Variants in SCAPER observed in about 807,000 individuals in gnomAD.
SCAPER encodes S phase cyclin A-associated protein in the endoplasmic reticulum.
SCAPER carries 98 observed loss-of-function variants against 182.2 expected under a neutral mutation model. The observed-to-expected ratio is 0.54, with a 90% CI of 0.46 to 0.64. The LOEUF is 0.64. SCAPER is among the 30% of genes least tolerant of loss of function. The pLI is 0.00. For missense variants in SCAPER, 1,432 were observed against 1,690.0 expected (o/e 0.85, Z 2.68); for synonymous variants, 605 against 564.6 (o/e 1.07, Z -1.01).
intron 26 of SCAPER, among the ~76,000 whole-genome samples, chr15:76,409,637 T>C (rs777803953): frequency 6.6e-6 from 1 of 152,154 alleles, no homozygotes; most frequent in East Asian, 1.9e-4. Context: ...AAATGAGTTA[T>C]TGTTTCTTTG....
At chr15:76,895,603 A>G (rs2152614454) in intron 1 of SCAPER, among the ~76,000 whole-genome samples, 2 of 152,310 alleles carry the variant, frequency 1.3e-5, no homozygotes, top group Middle Eastern at 3.4e-3. Flanking sequence ...ATGATCTTAT[A>G]TACAGAAAAT....
chr15:76,847,770 G>A (rs4886833), intron 4 of SCAPER, among the ~76,000 whole-genome samples: 146,415 of 152,106 alleles, frequency 0.96, 70,709 homozygotes, highest in East Asian at 1. Context: ...AAAATGAAAA[G>A]GCTAACCAGG....
At position 76,484,811 on chromosome 15, in the gene SCAPER, G is replaced by A. The variant is rs998954642; in HGVS notation, c.2955-13476C>T. ...AAACAGAACTAAAGACAAAAACTAC[G>A]ATTACCTCAATAGATGGAGAAAAGG... is the stretch of plus-strand genomic sequence containing the variant. On this transcript the variant is annotated intron_variant, in intron 24 of 31. Transcript: ENST00000563290. 2.6e-5 allele frequency among the ~76,000 whole-genome samples: 4 copies of A among 152,146 alleles called. No individual in the cohort carries two copies. The South Asian group carries it at 6.2e-4, about 24-fold the overall frequency.
At chr15:76,474,905 T>C (rs1032717295) in intron 24 of SCAPER, among the ~76,000 whole-genome samples, 1 of 152,140 alleles carries the variant, frequency 6.6e-6, no homozygotes, top group African/African-American at 2.4e-5. Flanking sequence ...ACTCATCTGT[T>C]TCCAGCCTCA....
chr15:76,718,206 T>G (rs1007811463), intron 17 of SCAPER, among the ~76,000 whole-genome samples: 6 of 151,936 alleles, frequency 3.9e-5, no homozygotes, highest in South Asian at 2.1e-4. Flanking sequence ...AAAAGGAAAT[T>G]AAAAAATATC....
At chr15:76,582,304 A>T (rs1425417441) in intron 22 of SCAPER, among the ~76,000 whole-genome samples, 1 of 152,352 alleles carries the variant, frequency 6.6e-6, no homozygotes, top group East Asian at 1.9e-4. Flanking sequence ...GCATTTCTAC[A>T]TCCTGACAGC....
At chr15:76,782,110 A>C (rs1340650663) in intron 8 of SCAPER, among the ~76,000 whole-genome samples, 1 of 152,206 alleles carries the variant, frequency 6.6e-6, no homozygotes, top group Non-Finnish European at 1.5e-5. Context: ...GACAGAGTCA[A>C]GACCCATCAG....
intron 26 of SCAPER, among the ~76,000 whole-genome samples, chr15:76,427,462 A>T (rs1475537989): frequency 6.6e-6 from 1 of 152,222 alleles, no homozygotes; most frequent in African/African-American, 2.4e-5. Context: ...ATACGAAAAA[A>T]TGCTCAACAT....
At chr15:76,777,591 G>A (rs1421345682) in intron 8 of SCAPER, among the ~76,000 whole-genome samples, 2 of 152,316 alleles carry the variant, frequency 1.3e-5, no homozygotes, top group East Asian at 3.9e-4. Flanking sequence ...CTACTTGGGA[G>A]ACTGAGACAG....
At chr15:76,816,390 T>G (rs2067081933) in intron 5 of SCAPER, among the ~76,000 whole-genome samples, 1 of 152,104 alleles carries the variant, frequency 6.6e-6, no homozygotes, top group Non-Finnish European at 1.5e-5. Context: ...TTGTTAAAAA[T>G]GAAGACACGA....
chr15:76,362,427 T>C (rs895341065), intron 29 of SCAPER, among the ~76,000 whole-genome samples: 2 of 152,004 alleles, frequency 1.3e-5, no homozygotes, highest in Non-Finnish European at 2.9e-5. Flanking sequence ...TTTTTTTTTT[T>C]TTCAAGATGG....
intron 23 of SCAPER, among the ~76,000 whole-genome samples, chr15:76,557,976 T>C (rs896412412): frequency 3.9e-5 from 6 of 152,134 alleles, no homozygotes; most frequent in African/African-American, 7.2e-5. Flanking sequence ...ACGCCTTTCT[T>C]ACACCATATA....
intron 3 of SCAPER, among the ~76,000 whole-genome samples, chr15:76,858,405 C>T (rs765125863): frequency 6.6e-6 from 1 of 151,916 alleles, no homozygotes; most frequent in Non-Finnish European, 1.5e-5. Flanking sequence ...AGAAAGACAC[C>T]AACTACTGTT....
chr15:76,746,860 AAAG>A lies in SCAPER; in HGVS notation c.1866+6945_1866+6947del, dbSNP rs556905406. On this transcript the variant is annotated intron_variant, in intron 15 of 31. Transcript: ENST00000563290. ...AAACAAAACAATGCTGAAAGAAATT[AAAG>A]AAGACAAATAAACAGAAGGAAATTC... Among the ~76,000 whole-genome samples the A allele has an allele frequency of 5.2e-5, 8 of 152,394 alleles. No individual in the cohort carries two copies. In the South Asian group the frequency reaches 1.7e-3, roughly 32 times the overall value.
rs367755248 is a variant in SCAPER, at chr15:76,728,735, T to C, written c.2025A>G (p.Glu675=). The stretch of plus-strand genomic sequence containing the variant: ...GCTCTGCCTCTAGAGCTCTCTTGCG[T>C]TCCTAATGTTAGAAATATTTGTTTC... The part of the protein sequence containing the change: ...EKQARDEAVQ[E]RKRALEAERQ... Residue 675 remains glutamate, a splice_region_variant and synonymous_variant, in exon 17 of 32, where the codon GAA becomes GAG. Coordinates refer to ENST00000563290, the MANE Select transcript of SCAPER (RefSeq NM_020843.4). The C allele has an allele frequency of 2.7e-5, 44 of 1,606,146 alleles. No homozygotes were observed. Among genetic ancestry groups the C allele is most frequent in the East Asian group, 2.5e-4 (11 of 44,814 alleles).
At chr15:76,718,793 T>C (rs181158552) in intron 17 of SCAPER, among the ~76,000 whole-genome samples, 6 of 152,098 alleles carry the variant, frequency 3.9e-5, no homozygotes, top group Non-Finnish European at 5.9e-5. Flanking sequence ...TCAGTAGATA[T>C]ATGGAAAGGT....
intron 25 of SCAPER, among the ~76,000 whole-genome samples, chr15:76,438,609 A>C (rs117542078): frequency 6.6e-6 from 1 of 152,236 alleles, no homozygotes; most frequent in East Asian, 1.9e-4. Context: ...TCTAGCAGTT[A>C]CACAAAGAAT....
chr15:76,700,016 T>C (rs1004091671), intron 20 of SCAPER, among the ~76,000 whole-genome samples: 1 of 152,124 alleles, frequency 6.6e-6, no homozygotes, highest in Non-Finnish European at 1.5e-5. Flanking sequence ...AGCTCTCCGA[T>C]GGTCAGGCAG....
intron 2 of SCAPER, among the ~76,000 whole-genome samples, chr15:76,875,261 A>T (rs1424591098): frequency 6.6e-6 from 1 of 152,208 alleles, no homozygotes; most frequent in South Asian, 2.1e-4. Flanking sequence ...ATCAGAACCT[A>T]ACAGGACCAT....
Sources: gnomAD v4.1 joint callset for allele counts (sites outside exome capture counted in the v4.1 genomes callset) on GRCh38, gnomAD v4.1.1 for gene constraint, MANE v1.5 for transcripts, NCBI Gene and HGNC (gene_info 2026-07-23, HGNC 2026-07-21) for gene names.